Variants in L3MBTL4 observed in about 807,000 individuals in gnomAD.
L3MBTL4 encodes L3MBTL histone methyl-lysine binding protein 4.
In L3MBTL4, 70 loss-of-function variants were observed where a neutral mutation model predicts 84.5. The observed-to-expected ratio is 0.83, with a 90% confidence interval of 0.68 to 1.01. L3MBTL4 has a LOEUF of 1.01. L3MBTL4 is among the 50% of genes least tolerant of loss of function. The pLI, the probability that L3MBTL4 is intolerant of heterozygous loss-of-function variation, is 0.00. For synonymous variants in L3MBTL4, 274 were observed against 259.8 expected, an observed-to-expected ratio of 1.05 and a Z score of -0.52; for missense variants, 715 against 754.8, an observed-to-expected ratio of 0.95 and a Z score of 0.62.
chr18:6,099,337 G>C, intron 14 of L3MBTL4, among the ~76,000 whole-genome samples: 1 of 151,790 alleles, frequency 6.6e-6, no homozygotes, highest in Non-Finnish European at 1.5e-5. Context: ...ATACCAAAAT[G>C]CAGATTATTG....
intron 4 of L3MBTL4, among the ~76,000 whole-genome samples, chr18:6,297,142 T>C (rs1329106967): frequency 6.6e-6 from 1 of 152,300 alleles, no homozygotes; most frequent in East Asian, 1.9e-4. Flanking sequence ...ACAAGAATAG[T>C]TTCAGTGCAA....
At position 6,167,524 on chromosome 18, in the gene L3MBTL4, T is replaced by C. The variant is rs548801549; in HGVS notation, c.1096+4304A>G. 2.1e-3 allele frequency among the ~76,000 whole-genome samples: 315 copies of C among 152,266 alleles called. 1 individual carries two copies. Among genetic ancestry groups the C allele is most frequent in the African/African-American group, 7.3e-3 (303 of 41,548 alleles). On this transcript the variant is annotated intron_variant, in intron 13 of 18. Transcript: ENST00000317931. ...CCTGGGATGCAAGGCTGGTTCAACA[T>C]ACGCAAATCAATAAATGTAATCCAA...
chr18:6,219,493 ATTCT>A lies in L3MBTL4; in HGVS notation c.785-3662_785-3659del, dbSNP rs1380037449. 9.5e-3 allele frequency among the ~76,000 whole-genome samples: 1,324 copies of A among 139,132 alleles called. 26 individuals carry two copies. The highest frequency in any genetic ancestry group is 0.031 in the African/African-American group (1,215 of 38,680). The allele number at this position is 139,132 out of a possible 152,430, so 91.3% of individuals were successfully genotyped here. A position where few individuals can be genotyped will look rare whatever the true frequency, so the allele number is the denominator to read the frequency against. On this transcript the variant is annotated intron_variant, in intron 10 of 18. Coordinates refer to ENST00000317931, the MANE Select transcript of L3MBTL4 (RefSeq NM_001330559.2). ...TGCCCACAGCCACAGCTTGGACCTC[ATTCT>A]TTAGGTCCAAGCTGTGGCTGTGGGC...
chr18:6,367,409 A>T (rs995826405), intron 1 of L3MBTL4: 4 of 152,170 alleles, frequency 2.6e-5, no homozygotes, highest in African/African-American at 9.7e-5. Flanking sequence ...CGCTGAGAAC[A>T]GGCTTCCCAC....
chr18:5,963,839 T>C (rs772012200), intron 17 of L3MBTL4, among the ~76,000 whole-genome samples: 1 of 151,910 alleles, frequency 6.6e-6, no homozygotes, highest in Non-Finnish European at 1.5e-5. Context: ...AAGAGAGAGA[T>C]TTTTTTTCTT....
intron 13 of L3MBTL4, 57 bp from the exon 14 acceptor site, chr18:6,138,353 T>C: frequency 9.6e-7 from 1 of 1,046,528 alleles, no homozygotes; most frequent in Non-Finnish European, 1.4e-6. Context: ...AGACTGCAAA[T>C]CTGAAATATG....
intron 4 of L3MBTL4, among the ~76,000 whole-genome samples, chr18:6,268,278 G>A (rs1385018465): frequency 6.6e-6 from 1 of 152,116 alleles, no homozygotes; most frequent in Admixed American, 6.5e-5. Context: ...ATAGTGACAG[G>A]AGACTGTAAT....
rs77551414 is a variant in L3MBTL4, at chr18:6,000,859, T to C, written c.1445-31297A>G. ...AGGACAGGAGTGATGTTAGGGAAGA[T>C]GGTGGGTAGGAAGTGCCAGGAATCT... is the stretch of plus-strand genomic sequence containing the variant. On this transcript the variant is annotated intron_variant, in intron 16 of 18. Transcript: ENST00000317931. 3.3e-3 allele frequency among the ~76,000 whole-genome samples: 509 copies of C among 152,294 alleles called. 5 individuals carry two copies. Among genetic ancestry groups the C allele is most frequent in the African/African-American group, 0.012 (496 of 41,560 alleles).
At chr18:6,358,865 G>C (rs150334763) in intron 1 of L3MBTL4, among the ~76,000 whole-genome samples, 37 of 152,360 alleles carry the variant, frequency 2.4e-4, no homozygotes, top group African/African-American at 8.9e-4. Flanking sequence ...GGAGAGCCCT[G>C]TGCAGATGGG....
intron 12 of L3MBTL4, among the ~76,000 whole-genome samples, chr18:6,194,281 C>T (rs150113614): frequency 2.6e-5 from 4 of 152,154 alleles, no homozygotes; most frequent in East Asian, 1.9e-4. Flanking sequence ...AGTGACTCAG[C>T]GAGGGAGTCT....
intron 4 of L3MBTL4, among the ~76,000 whole-genome samples, chr18:6,270,004 C>T (rs764987174): frequency 6.6e-6 from 1 of 152,142 alleles, no homozygotes; most frequent in Non-Finnish European, 1.5e-5. Context: ...TAAACACAAC[C>T]CTTCATGGTG....
chr18:6,396,764 C>T (rs2055289742), intron 1 of L3MBTL4: 1 of 152,220 alleles, frequency 6.6e-6, no homozygotes, highest in Non-Finnish European at 1.5e-5. Context: ...CAATCACTTT[C>T]TGACAGTTAC....
chr18:6,189,943 A>G (rs2044989416), intron 12 of L3MBTL4, among the ~76,000 whole-genome samples: 1 of 152,230 alleles, frequency 6.6e-6, no homozygotes, highest in Non-Finnish European at 1.5e-5. Flanking sequence ...GAGGAGATAG[A>G]AAATGGGCAG....
intron 1 of L3MBTL4, among the ~76,000 whole-genome samples, chr18:6,321,882 T>G (rs1012012707): frequency 6.6e-6 from 1 of 151,900 alleles, no homozygotes; most frequent in Admixed American, 6.6e-5. Flanking sequence ...ATAATGACCT[T>G]TGGAGACTCA....
chr18:6,047,394 T>G (rs182278452), intron 16 of L3MBTL4, among the ~76,000 whole-genome samples: 1 of 152,074 alleles, frequency 6.6e-6, no homozygotes, highest in African/African-American at 2.4e-5. Flanking sequence ...CCTCCCTAAC[T>G]GATTCTACAT....
chr18:6,075,766 C>A (rs1028658996), intron 16 of L3MBTL4, among the ~76,000 whole-genome samples: 1 of 151,982 alleles, frequency 6.6e-6, no homozygotes, highest in Non-Finnish European at 1.5e-5. Flanking sequence ...AATTATAAAA[C>A]AATGAACTCA....
chr18:6,353,573 A>ATT (rs2053301044), intron 1 of L3MBTL4, among the ~76,000 whole-genome samples: 2 of 152,186 alleles, frequency 1.3e-5, no homozygotes, highest in African/African-American at 4.8e-5. Flanking sequence ...ATCTATTAGA[A>ATT]ATGATAAATT....
At chr18:6,109,916 T>C (rs2059136758) in intron 14 of L3MBTL4, among the ~76,000 whole-genome samples, 2 of 144,612 alleles carry the variant, frequency 1.4e-5, no homozygotes, top group African/African-American at 5.2e-5. Context: ...CTGAGTCATC[T>C]GTCAGCCCAC....
intron 16 of L3MBTL4, among the ~76,000 whole-genome samples, chr18:6,044,337 C>T (rs1441015734): frequency 2.6e-5 from 4 of 152,214 alleles, no homozygotes; most frequent in Non-Finnish European, 5.9e-5. Flanking sequence ...TGAAAATACA[C>T]ATCTTTCATT....
Sources: gnomAD v4.1 joint callset for allele counts (sites outside exome capture counted in the v4.1 genomes callset) on GRCh38, gnomAD v4.1.1 for gene constraint, MANE v1.5 for transcripts, NCBI Gene and HGNC (gene_info 2026-07-23, HGNC 2026-07-21) for gene names.